The following TFEB variants were observed in gnomAD, a reference collection of about 807,000 sequenced individuals.
TFEB encodes the protein T-cell transcription factor EB.
TFEB carries 12 observed loss-of-function variants against 48.0 expected under a neutral mutation model. That is an observed-to-expected ratio of 0.25 (90% CI 0.16 to 0.40). TFEB has a LOEUF of 0.40. Ranked by LOEUF, TFEB falls within the 10% of genes least tolerant of loss-of-function variation. The pLI is 1.00. For synonymous variants in TFEB, 244 were observed against 261.4 expected (o/e 0.93, Z 0.64); for missense variants, 509 against 640.3 (o/e 0.79, Z 2.21).
At chr6:41,732,581 C>T (rs905938353) in intron 1 of TFEB, 3 of 985,722 alleles carry the variant, frequency 3.0e-6, no homozygotes, top group African/African-American at 1.7e-5. Flanking sequence ...ACACTTTAAC[C>T]ACACACACAA....
chr6:41,714,917 C>T (rs922110715), intron 1 of TFEB, among the ~76,000 whole-genome samples: 1 of 152,224 alleles, frequency 6.6e-6, no homozygotes, highest in Non-Finnish European at 1.5e-5. Flanking sequence ...CGACAAGGAG[C>T]CTGGGAGTCA....
At chr6:41,687,202 G>C (rs1262397116) in intron 6 of TFEB, 33 bp from the exon 7 acceptor site, 1 of 1,609,826 alleles carries the variant, frequency 6.2e-7, no homozygotes, top group South Asian at 1.1e-5. Flanking sequence ...GGAGCAATTA[G>C]AGGGATGGGG....
In TFEB at chr6:41,723,502, T is replaced by A; in HGVS notation, c.-23+11848A>T. On this transcript the variant is annotated intron_variant, in intron 1 of 8. Coordinates refer to ENST00000373033, the MANE Select transcript of TFEB (RefSeq NM_001271944.2). The surrounding 1 kb of genome is among the most constrained non-coding windows in gnomAD (Gnocchi z 6.0). ...CCCTGGAAGGAGGCCCCTGGAATGC[T>A]CAGCTCCTCCAGGGGCCGGAGCCCA... 1.6e-6 allele frequency: 2 copies of A among 1,289,066 alleles called. No individual in the cohort carries two copies. Among genetic ancestry groups the A allele is most frequent in the African/African-American group, 1.5e-5 (1 of 65,780 alleles). 79.9% of individuals were successfully genotyped at this position (1,289,066 alleles called of 1,614,324 possible).
At chr6:41,686,870 C>T (rs1035175724) in intron 7 of TFEB, 12 of 577,070 alleles carry the variant, frequency 2.1e-5, no homozygotes, top group African/African-American at 3.7e-5. Context: ...CTCCAAGAAG[C>T]CTCCCTTGAC....
In TFEB at chr6:41,720,817, ATAAT is replaced by A. The variant is rs1770947089; in HGVS notation, c.-23+14529_-23+14532del. ...AGACTGGCACAGCCCTCACCCATATATAATTATTCCATCATATATTACAATGTAA... is the reference window on the plus strand; with the variant it reads ...AGACTGGCACAGCCCTCACCCATATATATTCCATCATATATTACAATGTAA... On this transcript the variant is annotated intron_variant, in intron 1 of 8. Coordinates refer to ENST00000373033, the MANE Select transcript of TFEB (RefSeq NM_001271944.2). The surrounding 1 kb of genome is among the most constrained non-coding windows in gnomAD (Gnocchi z 4.1). 6.6e-6 allele frequency: 1 copy of A among 152,164 alleles called. No homozygotes were observed. Among genetic ancestry groups the A allele is most frequent in the Admixed American group, 6.5e-5 (1 of 15,274 alleles). 9.4% of individuals were successfully genotyped at this position (152,164 alleles called of 1,614,324 possible). A position where few individuals can be genotyped will look rare whatever the true frequency, so the allele number is the denominator to read the frequency against.
At chr6:41,695,045 T>C (rs73420062) in intron 1 of TFEB, among the ~76,000 whole-genome samples, 7,917 of 152,254 alleles carry the variant, frequency 0.052, 665 homozygotes, top group African/African-American at 0.18. Flanking sequence ...GGGTTCCAGC[T>C]TAGTCATGTC....
At position 41,691,858 on chromosome 6, in the gene TFEB, C is replaced by T. The variant is rs966506839; in HGVS notation, c.-22-623G>A. ...ACCTCGTGTTCCCCTTTGACCCCAT[C>T]CGCCAGCTCTCCCTCTTGTTTTATC... On this transcript the variant is annotated intron_variant, in intron 1 of 8. Transcript: ENST00000373033. This position sits in a 1 kb window ranked among gnomAD's most constrained non-coding sequence, Gnocchi z 5.2. 1.3e-5 allele frequency among the ~76,000 whole-genome samples: 2 copies of T among 152,162 alleles called. No homozygotes were observed. The highest frequency in any genetic ancestry group is 4.8e-5 in the African/African-American group (2 of 41,426).
intron 1 of TFEB, among the ~76,000 whole-genome samples, chr6:41,726,952 G>A (rs1394583084): frequency 2.0e-5 from 3 of 152,204 alleles, no homozygotes; most frequent in African/African-American, 4.8e-5. Context: ...GTCTGGAGTA[G>A]TGATAATGCT....
At chr6:41,688,985 C>G (rs778811707) in intron 4 of TFEB, among the ~76,000 whole-genome samples, 21 of 152,226 alleles carry the variant, frequency 1.4e-4, no homozygotes, top group Non-Finnish European at 2.6e-4. Context: ...GGCAATCCCA[C>G]CTGCCCAGCG....
intron 1 of TFEB, among the ~76,000 whole-genome samples, chr6:41,697,233 C>A (rs1290766482): frequency 1.3e-5 from 2 of 151,530 alleles, no homozygotes; most frequent in Admixed American, 6.6e-5. Flanking sequence ...CACGGTGAAA[C>A]CCTGTCTCTA....
In TFEB at chr6:41,730,495, C is replaced by T. The variant is rs1771406364; in HGVS notation, c.-23+4855G>A. 6.6e-6 allele frequency among the ~76,000 whole-genome samples: 1 copy of T among 152,126 alleles called. No individual in the cohort carries two copies. The highest frequency in any genetic ancestry group is 2.1e-4 in the South Asian group (1 of 4,826). The stretch of plus-strand genomic sequence containing the variant: ...GATCTTATGGGGCCAGGTGGCTCTC[C>T]CCATAAGAAAGCTGGACAAAAGATG... On this transcript the variant is annotated intron_variant, in intron 1 of 8. Coordinates refer to ENST00000373033, the MANE Select transcript of TFEB (RefSeq NM_001271944.2). The surrounding 1 kb of genome is among the most constrained non-coding windows in gnomAD (Gnocchi z 4.1).
chr6:41,697,973 G>A (rs1426851816), intron 1 of TFEB, among the ~76,000 whole-genome samples: 1 of 152,126 alleles, frequency 6.6e-6, no homozygotes, highest in Non-Finnish European at 1.5e-5. Context: ...AGTATTTTGT[G>A]TGGTTTTAAA....
chr6:41,732,958 T>G (rs1771515881), intron 1 of TFEB: 1 of 985,348 alleles, frequency 1.0e-6, no homozygotes, highest in African/African-American at 1.7e-5. Context: ...GAAACCCCTG[T>G]TGCCTGCAGA....
chr6:41,731,647 A>G (rs111934261), intron 1 of TFEB, among the ~76,000 whole-genome samples: 44 of 152,222 alleles, frequency 2.9e-4, no homozygotes, highest in African/African-American at 1.0e-3. Flanking sequence ...TGAGAGGCAC[A>G]GTGGGGTCTC....
At chr6:41,689,159 C>T (rs1769166300) in intron 4 of TFEB, among the ~76,000 whole-genome samples, 1 of 152,166 alleles carries the variant, frequency 6.6e-6, no homozygotes, top group South Asian at 2.1e-4. Context: ...AGCCAGAAGC[C>T]AGGCTTCTTG....
upstream of TFEB, chr6:41,736,077 A>G (rs1581947654): frequency 1.0e-5 from 16 of 1,599,830 alleles, no homozygotes; most frequent in East Asian, 2.7e-4. Context: ...CTGGCGAAGT[A>G]CAGGGTAAAA....
In TFEB at chr6:41,685,225, G is replaced by A. The variant is rs951802942; in HGVS notation, c.952-147C>T. 3 of 1,100,846 alleles carry A rather than the reference G, an allele frequency of 2.7e-6. No individual in the cohort carries two copies. The African/African-American group carries it at 4.9e-5, about 18-fold the overall frequency. 68.2% of individuals were successfully genotyped at this position (1,100,846 alleles called of 1,614,324 possible). On this transcript the variant is annotated intron_variant, in intron 8 of 8. Coordinates refer to ENST00000373033, the MANE Select transcript of TFEB (RefSeq NM_001271944.2). ...TTCCGCTGGAAGAAAGCATAGGGTAGCTCTAGAGTCTAGACCAGTGTTTTT... is the reference window on the plus strand; with the variant it reads ...TTCCGCTGGAAGAAAGCATAGGGTAACTCTAGAGTCTAGACCAGTGTTTTT...
intron 1 of TFEB, among the ~76,000 whole-genome samples, chr6:41,707,138 C>T (rs1342651847): frequency 1.3e-5 from 2 of 152,196 alleles, no homozygotes; most frequent in African/African-American, 2.4e-5. Context: ...TCTCCCTGGA[C>T]CCAAGATGCT....
chr6:41,701,197 C>T (rs997317644), intron 1 of TFEB, among the ~76,000 whole-genome samples: 9 of 152,238 alleles, frequency 5.9e-5, no homozygotes, highest in Non-Finnish European at 1.3e-4. Context: ...CCCTCAGCTG[C>T]CGCTTGCAGT....
Sources: gnomAD v4.1 joint callset for allele counts (sites outside exome capture counted in the v4.1 genomes callset) on GRCh38, gnomAD v4.1.1 for gene constraint, Gnocchi (gnomAD v3.1) non-coding constraint, MANE v1.5 for transcripts, NCBI Gene and HGNC (gene_info 2026-07-23, HGNC 2026-07-21) for gene names.